The following GABRR1 variants were observed in gnomAD, a reference collection of about 807,000 sequenced individuals.
The protein encoded by GABRR1 is gamma-aminobutyric acid receptor subunit rho-1.
A neutral mutation model predicts 55.5 loss-of-function variants in GABRR1; 59 were observed. The observed-to-expected ratio is 1.06, with a 90% CI of 0.86 to 1.32. The LOEUF is 1.32. Among genes scored for constraint, GABRR1 ranks in the 40% most tolerant of loss-of-function variants. The probability of loss-of-function intolerance (pLI) is 0.00; values close to 1 mark genes in which losing one functional copy is unlikely to be tolerated. For missense variants in GABRR1, 602 were observed against 619.1 expected (o/e 0.97, Z 0.29); for synonymous variants, 213 against 226.0 (o/e 0.94, Z 0.51).
At chr6:89,217,177 C>T (rs746007465) in intron 1 of GABRR1, 24 bp downstream of exon 1, 2 of 1,612,328 alleles carry the variant, frequency 1.2e-6, no homozygotes, top group South Asian at 1.1e-5. Context: ...TTCCTAAATC[C>T]TCTATCCCTA....
chr6:89,197,804 A>T (rs1772348318), intron 5 of GABRR1, among the ~76,000 whole-genome samples: 1 of 152,230 alleles, frequency 6.6e-6, no homozygotes, highest in Non-Finnish European at 1.5e-5. Context: ...TAACACATAG[A>T]ATAGTATCAG....
chr6:89,230,480 C>T (rs569909687), intron 1 of GABRR1, among the ~76,000 whole-genome samples: 15 of 151,682 alleles, frequency 9.9e-5, no homozygotes, highest in Non-Finnish European at 1.3e-4. Context: ...TTCCTTCTAA[C>T]AGACAGGACC....
In GABRR1 at chr6:89,178,243, T is replaced by C. The variant is rs569143647; in HGVS notation, c.*527A>G. 2.6e-5 allele frequency: 4 copies of C among 154,682 alleles called. No homozygotes were observed. Among genetic ancestry groups the C allele is most frequent in the Admixed American group, 2.5e-4 (4 of 15,796 alleles). The allele number at this position is 154,682 out of a possible 1,614,324, so 9.6% of individuals were successfully genotyped here. A position where few individuals can be genotyped will look rare whatever the true frequency, so the allele number is the denominator to read the frequency against. On this transcript the variant is annotated 3_prime_UTR_variant, in exon 10 of 10. Coordinates refer to ENST00000454853, the MANE Select transcript of GABRR1 (RefSeq NM_002042.5). ...TAATGTGAATGTTATCATTGCCTTTTATTAAAATAAACATGCGGAGGTGGA... is the reference window on the plus strand; with the variant it reads ...TAATGTGAATGTTATCATTGCCTTTCATTAAAATAAACATGCGGAGGTGGA...
intron 4 of GABRR1, among the ~76,000 whole-genome samples, chr6:89,198,973 G>A (rs1057343161): frequency 4.0e-5 from 6 of 151,892 alleles, no homozygotes; most frequent in African/African-American, 1.5e-4. Flanking sequence ...ACCAAAAAGG[G>A]GGCGGGCGGG....
chr6:89,203,944 A>G (rs1185432959), intron 1 of GABRR1, among the ~76,000 whole-genome samples: 3 of 152,230 alleles, frequency 2.0e-5, no homozygotes, highest in Non-Finnish European at 4.4e-5. Context: ...AGGAGGAGGA[A>G]GAAAGAGGTC....
chr6:89,178,820 G>GA lies in GABRR1; in HGVS notation c.1389dup (p.Pro464SerfsTer35), dbSNP rs1562278202. ...AAATTGAATAAAATGTATGCTGCTG[G>GA]AAAGATGATCCTGGAGTATTTATCA... On this transcript the variant is annotated frameshift_variant, in exon 10 of 10. Coordinates refer to ENST00000454853, the MANE Select transcript of GABRR1 (RefSeq NM_002042.5). LOFTEE classifies it high-confidence loss of function. 4 of 1,614,104 alleles carry GA rather than the reference G, an allele frequency of 2.5e-6. No homozygotes were observed. The highest frequency in any genetic ancestry group is 3.4e-6 in the Non-Finnish European group (4 of 1,179,964).
In GABRR1 at chr6:89,180,321, C is replaced by A. The variant is rs1344992184; in HGVS notation, c.1117G>T (p.Glu373Ter). ...TCCCGCAGCTTCTGTTCCTTCCTCT[C>A]CTGCACAGTGGTCAGGTAGTTGACG... is the stretch of plus-strand genomic sequence containing the variant. ...AAVNYLTTVQERKEQKLREKL... is the reference protein window; with the variant it reads ...AAVNYLTTVQ The change falls in exon 9 of 10, where the codon GAG becomes TAG. Residue 373 changes from glutamate (E) to a stop codon, truncating the protein, a stop_gained. Transcript: ENST00000454853. LOFTEE classifies it high-confidence loss of function. The A allele has an allele frequency of 2.5e-6, 4 of 1,613,860 alleles. No homozygotes were observed. Among genetic ancestry groups the A allele is most frequent in the Non-Finnish European group, 3.4e-6 (4 of 1,179,846 alleles).
chr6:89,226,411 A>G (rs1051299100), intron 1 of GABRR1, among the ~76,000 whole-genome samples: 7 of 147,086 alleles, frequency 4.8e-5, no homozygotes, highest in African/African-American at 7.5e-5. Context: ...TAACGTTTAA[A>G]TCTTTAATCC....
intron 1 of GABRR1, among the ~76,000 whole-genome samples, chr6:89,224,297 G>A (rs2127812021): frequency 6.6e-6 from 1 of 152,116 alleles, no homozygotes. Flanking sequence ...TCACCATGTT[G>A]GCCAGGCTGG....
chr6:89,198,293 G>A (rs771410690), intron 4 of GABRR1, 50 bp from the exon 5 acceptor site: 10 of 1,305,398 alleles, frequency 7.7e-6, no homozygotes, highest in Non-Finnish European at 6.7e-6. Context: ...CAAACCCACT[G>A]AGATGTGGAT....
At chr6:89,190,395 G>T (rs1242624339) in intron 5 of GABRR1, 148 bp from the exon 6 acceptor site, 10 of 548,682 alleles carry the variant, frequency 1.8e-5, no homozygotes, top group Non-Finnish European at 1.6e-5. Context: ...TAGATAAGTA[G>T]CTTATGAGTG....
In GABRR1 at chr6:89,178,586, A is replaced by G. The variant is rs1051112374; in HGVS notation, c.*184T>C. ...ATGCTGTGTATTCAATAGATGGTTAATAAGTGCAAATTAAACCAGTAAGTG... is the reference window on the plus strand; with the variant it reads ...ATGCTGTGTATTCAATAGATGGTTAGTAAGTGCAAATTAAACCAGTAAGTG... On this transcript the variant is annotated 3_prime_UTR_variant, in exon 10 of 10. Transcript: ENST00000454853. 1.3e-5 allele frequency: 8 copies of G among 606,104 alleles called. No homozygotes were observed. The highest frequency in any genetic ancestry group is 5.9e-5 in the Admixed American group (2 of 33,948). 37.5% of individuals were successfully genotyped at this position (606,104 alleles called of 1,614,324 possible).
At chr6:89,179,294 A>G (rs975137668) in intron 9 of GABRR1, among the ~76,000 whole-genome samples, 3 of 151,918 alleles carry the variant, frequency 2.0e-5, no homozygotes, top group Non-Finnish European at 2.9e-5. Flanking sequence ...ATCTCAGCTC[A>G]CTGCAACCTC....
chr6:89,229,946 G>A (rs1233254636), intron 1 of GABRR1, among the ~76,000 whole-genome samples: 3 of 100,740 alleles, frequency 3.0e-5, no homozygotes, highest in Non-Finnish European at 6.1e-5. Context: ...ATATTTCTTG[G>A]AGGCTTTGCT....
chr6:89,197,533 A>AGG (rs1240682123), intron 5 of GABRR1, among the ~76,000 whole-genome samples: 10 of 152,364 alleles, frequency 6.6e-5, no homozygotes, highest in African/African-American at 2.4e-4. Flanking sequence ...ATTATATTTA[A>AGG]AAAGTGATGT....
At chr6:89,194,075 C>T (rs1772185058) in intron 5 of GABRR1, among the ~76,000 whole-genome samples, 2 of 152,284 alleles carry the variant, frequency 1.3e-5, no homozygotes, top group South Asian at 4.1e-4. Flanking sequence ...ATCATGATTG[C>T]CTGAAGGGAG....
intron 2 of GABRR1, among the ~76,000 whole-genome samples, chr6:89,202,279 GTTTT>G (rs1338178307): frequency 4.6e-5 from 7 of 151,098 alleles, no homozygotes; most frequent in South Asian, 2.1e-4. Flanking sequence ...CAGGTGTTTC[GTTTT>G]TTTGTTTGTT....
chr6:89,190,152 C>G lies in GABRR1; in HGVS notation c.655+13G>C. On this transcript the variant is annotated intron_variant, in intron 6 of 9. Coordinates refer to ENST00000454853, the MANE Select transcript of GABRR1 (RefSeq NM_002042.5). ...GGAGCTGTGTGCTGATGCCCGGGGA[C>G]AAGTCTACTCACAGCTTTCAATTTC... The G allele has an allele frequency of 6.3e-7, 1 of 1,593,512 alleles. No individual in the cohort carries two copies. The highest frequency in any genetic ancestry group is 8.6e-7 in the Non-Finnish European group (1 of 1,166,464).
rs1772955423 is a variant in GABRR1 at position 89,215,487 on chromosome 6, A to G, written c.122+1714T>C. On this transcript the variant is annotated intron_variant, in intron 1 of 9. Transcript: ENST00000454853. ...GTATGTGAAATCTAAAACAACAGAA[A>G]TCATATTAACAGACAGCAGAATGAT... Among the ~76,000 whole-genome samples the G allele has an allele frequency of 1.3e-5, 2 of 152,216 alleles. 1 individual carries two copies. Among genetic ancestry groups the G allele is most frequent in the South Asian group, 4.1e-4 (2 of 4,832 alleles).
Sources: allele counts gnomAD v4.1 joint callset (sites outside exome capture counted in the v4.1 genomes callset), GRCh38; gene constraint gnomAD v4.1.1; transcripts MANE v1.5; gene names NCBI Gene and HGNC (gene_info 2026-07-23, HGNC 2026-07-21).